The following ATF7IP variants were observed in gnomAD, a reference collection of about 807,000 sequenced individuals.
The protein encoded by ATF7IP is activating transcription factor 7-interacting protein 1.
ATF7IP carries 23 observed loss-of-function variants against 106.4 expected under a neutral mutation model. The ratio of observed to expected loss-of-function variants is 0.22; its 90% confidence interval spans 0.16 to 0.31. The LOEUF is 0.31. ATF7IP is among the 10% of genes least tolerant of loss of function. ATF7IP has a pLI of 1.00. For missense variants in ATF7IP, 1,334 were observed against 1,524.3 expected (o/e 0.88, Z 2.08); for synonymous variants, 542 against 539.0 (o/e 1.01, Z -0.08).
At chr12:14,400,499 G>C (rs918085439) in intron 1 of ATF7IP, among the ~76,000 whole-genome samples, 20 of 152,088 alleles carry the variant, frequency 1.3e-4, no homozygotes, top group African/African-American at 4.8e-4. Context: ...AGGTATGTCT[G>C]GTCCTGGTAT....
intron 10 of ATF7IP, among the ~76,000 whole-genome samples, chr12:14,475,428 T>C (rs1944224821): frequency 6.6e-6 from 1 of 152,234 alleles, no homozygotes; most frequent in South Asian, 2.1e-4. Context: ...GTGCAGTTAA[T>C]AGCATAGCAT....
At chr12:14,459,318 A>C (rs755944019) in intron 8 of ATF7IP, among the ~76,000 whole-genome samples, 1 of 150,492 alleles carries the variant, frequency 6.6e-6, no homozygotes, top group African/African-American at 2.5e-5. Flanking sequence ...GGCACGCAGT[A>C]GTTGTCTTAT....
chr12:14,431,764 C>G (rs1942153586), intron 2 of ATF7IP, among the ~76,000 whole-genome samples: 1 of 152,084 alleles, frequency 6.6e-6, no homozygotes, highest in African/African-American at 2.4e-5. Context: ...GAAATTATGT[C>G]TAAAGTTGTC....
At chr12:14,431,784 A>C (rs572660620) in intron 2 of ATF7IP, among the ~76,000 whole-genome samples, 2 of 152,288 alleles carry the variant, frequency 1.3e-5, no homozygotes, top group South Asian at 4.1e-4. Flanking sequence ...CTGTGTACCA[A>C]GGGCCTTTGA....
intron 5 of ATF7IP, 90 bp from the exon 6 acceptor site, chr12:14,446,898 A>G: frequency 2.3e-6 from 2 of 884,114 alleles, no homozygotes; most frequent in Middle Eastern, 3.5e-4. Context: ...TGTTTTCTAT[A>G]GGTTTCTTTT....
chr12:14,421,928 A>T (rs1328785695), intron 1 of ATF7IP, among the ~76,000 whole-genome samples: 1 of 152,204 alleles, frequency 6.6e-6, no homozygotes, highest in African/African-American at 2.4e-5. Flanking sequence ...CCTTTTTAAG[A>T]AACCTACTTC....
At chr12:14,444,991 T>G (rs1349362254) in intron 5 of ATF7IP, among the ~76,000 whole-genome samples, 5 of 120,352 alleles carry the variant, frequency 4.2e-5, no homozygotes, top group Non-Finnish European at 6.6e-5. Flanking sequence ...AACCACCTAG[T>G]TTTTTTTTTT....
chr12:14,495,975 A>G (rs951237144), intron 13 of ATF7IP, among the ~76,000 whole-genome samples: 2 of 152,150 alleles, frequency 1.3e-5, no homozygotes, highest in Non-Finnish European at 2.9e-5. Flanking sequence ...CTGGTGGCAC[A>G]TATTCTCCAT....
At chr12:14,475,018 C>T (rs1428782519) in intron 10 of ATF7IP, among the ~76,000 whole-genome samples, 1 of 152,106 alleles carries the variant, frequency 6.6e-6, no homozygotes, top group Non-Finnish European at 1.5e-5. Context: ...ATTATAAAGT[C>T]AAGGCATTAT....
chr12:14,445,853 G>A (rs926002703), intron 5 of ATF7IP, among the ~76,000 whole-genome samples: 3 of 152,174 alleles, frequency 2.0e-5, no homozygotes, highest in Admixed American at 2.0e-4. Context: ...ACACTCAGAA[G>A]TTTAATTTTC....
At chr12:14,410,088 A>G (rs2136495093) in intron 1 of ATF7IP, among the ~76,000 whole-genome samples, 1 of 152,224 alleles carries the variant, frequency 6.6e-6, no homozygotes, top group Admixed American at 6.5e-5. Flanking sequence ...ATTTCCTCCC[A>G]GGCCTCCAAC....
chr12:14,381,592 T>G (rs1380287834), intron 1 of ATF7IP, among the ~76,000 whole-genome samples: 2 of 150,378 alleles, frequency 1.3e-5, no homozygotes, highest in African/African-American at 2.5e-5. Flanking sequence ...TTCTCTCTGT[T>G]TTTTTAGGAT....
In ATF7IP at chr12:14,438,144, G is replaced by A. The variant is rs1295161960; in HGVS notation, c.1806G>A (p.Leu602=). ...NQKLQKVIQW[L]LEEKLCALQC... ...TGTTTCTTTAGGTTATACAGTGGTT[G>A]CTGGAAGAAAAATTGTGTGCGCTGC... is the stretch of plus-strand genomic sequence containing the variant. The change falls in exon 5 of 15, where the codon TTG becomes TTA. Residue 602 remains leucine (L), a synonymous_variant. Coordinates refer to ENST00000261168, the MANE Select transcript of ATF7IP (RefSeq NM_018179.5). 6.2e-7 allele frequency: 1 copy of A among 1,613,172 alleles called. No homozygotes were observed. The highest frequency in any genetic ancestry group is 8.5e-7 in the Non-Finnish European group (1 of 1,179,894).
At chr12:14,450,845 G>C (rs749731363) in intron 6 of ATF7IP, among the ~76,000 whole-genome samples, 2 of 151,930 alleles carry the variant, frequency 1.3e-5, no homozygotes, top group Non-Finnish European at 2.9e-5. Flanking sequence ...CTGTCATCCA[G>C]GCTGGAGTGC....
rs559383355 is a variant in ATF7IP at position 14,443,568 on chromosome 12, G to A, written c.1930-3420G>A. Among the ~76,000 whole-genome samples the A allele has an allele frequency of 4.6e-5, 7 of 152,252 alleles. No individual in the cohort carries two copies. The South Asian group carries it at 6.2e-4, about 14-fold the overall frequency. On this transcript the variant is annotated intron_variant, in intron 5 of 14. Transcript: ENST00000261168. ...TGGTCATTCATGGAAAAAACAGGAG[G>A]TAAATACCTTGAATCTCTTAAAGGG...
chr12:14,437,166 A>G (rs556190203), intron 4 of ATF7IP, among the ~76,000 whole-genome samples: 24 of 152,224 alleles, frequency 1.6e-4, no homozygotes, highest in Non-Finnish European at 3.2e-4. Context: ...ATGTTTTTCA[A>G]CATGTGTTCA....
intron 13 of ATF7IP, among the ~76,000 whole-genome samples, chr12:14,493,888 CA>C (rs2136867681): frequency 6.6e-6 from 1 of 152,202 alleles, no homozygotes; most frequent in Non-Finnish European, 1.5e-5. Context: ...GGCTGAGAGA[CA>C]GAATCCTTGA....
chr12:14,490,215 A>G (rs1381380111), intron 13 of ATF7IP, among the ~76,000 whole-genome samples: 1 of 152,208 alleles, frequency 6.6e-6, no homozygotes, highest in Non-Finnish European at 1.5e-5. Flanking sequence ...TAGAGGCCGA[A>G]TGGTGTCCAC....
At chr12:14,372,460 CAAA>C (rs11431179) in intron 1 of ATF7IP, among the ~76,000 whole-genome samples, 3 of 121,382 alleles carry the variant, frequency 2.5e-5, no homozygotes, top group South Asian at 2.6e-4. Context: ...AGCCACTTTT[CAAA>C]AAAAAAAAAA....
Sources: gnomAD v4.1 joint callset for allele counts (sites outside exome capture counted in the v4.1 genomes callset) on GRCh38, gnomAD v4.1.1 for gene constraint, MANE v1.5 for transcripts, NCBI Gene and HGNC (gene_info 2026-07-23, HGNC 2026-07-21) for gene names.